WTIP: variants seen among roughly 807,000 people sequenced by gnomAD.
WTIP encodes the protein WT1 interacting protein.
In WTIP, 23 loss-of-function variants were observed where a neutral mutation model predicts 41.7. That is an observed-to-expected ratio of 0.55 (90% CI 0.40 to 0.78). The LOEUF (loss-of-function observed/expected upper bound fraction) is 0.78, where lower values mean the gene tolerates loss of function less well. Among genes scored for constraint, WTIP ranks in the 30% least tolerant of loss-of-function variants. WTIP has a pLI of 0.00. For synonymous variants in WTIP, 314 were observed against 269.9 expected (o/e 1.16, Z -1.60); for missense variants, 619 against 610.5 (o/e 1.01, Z -0.15).
In WTIP at chr19:34,490,453, G is replaced by T; in HGVS notation, c.745G>T (p.Asp249Tyr). ...GGCAATGGGGAGTCTTTATCACACT[G>T]ACTGCTTCACCTGCGACTCGTGTGG... is the stretch of plus-strand genomic sequence containing the variant. Reference protein sequence around the residue: ...CQAMGSLYHTDCFTCDSCGRR... With the variant: ...CQAMGSLYHTYCFTCDSCGRR... Residue 249 changes from aspartate (D) to tyrosine (Y), a missense_variant, in exon 2 of 8, where the codon GAC becomes TAC. Transcript: ENST00000590071. 1.2e-6 allele frequency: 2 copies of T among 1,614,000 alleles called. No homozygotes were observed. The highest frequency in any genetic ancestry group is 2.2e-5 in the South Asian group (2 of 91,078).
In WTIP at chr19:34,493,802, G is replaced by A. The variant is rs918718718; in HGVS notation, c.1031+180G>A. ...TCTGCCTGCATCCCCTCTCCTGGTG[G>A]TCCGGCCACCAGCTGTCTTTTGCCT... On this transcript the variant is annotated intron_variant, in intron 5 of 7. Transcript: ENST00000590071. This position sits in a 1 kb window ranked among gnomAD's most constrained non-coding sequence, Gnocchi z 4.1. 6.6e-6 allele frequency among the ~76,000 whole-genome samples: 1 copy of A among 152,132 alleles called. No individual in the cohort carries two copies. The highest frequency in any genetic ancestry group is 3.4e-3 in the Middle Eastern group (1 of 294).
chr19:34,484,011 C>T (rs1298550664), intron 1 of WTIP, among the ~76,000 whole-genome samples: 1 of 150,006 alleles, frequency 6.7e-6, no homozygotes, highest in South Asian at 2.1e-4. Flanking sequence ...ACTGCAACCT[C>T]CGACTCCCTG....
At position 34,505,099 on chromosome 19, in the gene WTIP, A is replaced by T. The variant is rs2075905745; in HGVS notation, c.*4830A>T. ...CTAGAGGCTGGTGGGGACCTGGGAG[A>T]GGGGCATGTGCACACATTTCATGGG... is the stretch of plus-strand genomic sequence containing the variant. On this transcript the variant is annotated 3_prime_UTR_variant, in exon 8 of 8. Transcript: ENST00000590071. 6.6e-6 allele frequency: 1 copy of T among 152,116 alleles called. No homozygotes were observed. Among genetic ancestry groups the T allele is most frequent in the African/African-American group, 2.4e-5 (1 of 41,266 alleles). 9.4% of individuals were successfully genotyped at this position (152,116 alleles called of 1,614,324 possible). A position where few individuals can be genotyped will look rare whatever the true frequency, so the allele number is the denominator to read the frequency against.
At chr19:34,489,981 G>A (rs1568398558) in intron 1 of WTIP, among the ~76,000 whole-genome samples, 2 of 152,188 alleles carry the variant, frequency 1.3e-5, no homozygotes, top group Non-Finnish European at 2.9e-5. Context: ...GCTCATGCCT[G>A]TAATGCCAGC....
rs1342957811 is a variant in WTIP, at chr19:34,500,217, G to A, written c.1241G>A (p.Arg414His). 1.9e-6 allele frequency: 3 copies of A among 1,606,980 alleles called. No individual in the cohort carries two copies. Among genetic ancestry groups the A allele is most frequent in the South Asian group, 2.2e-5 (2 of 90,818 alleles). ...HLLCRRCHLR[R>H]LQPGPLPSPT... ...CTGTGTCGTCGTTGCCACCTGCGGC[G>A]CCTCCAACCTGGGCCTCTTCCCTCA... is the stretch of plus-strand genomic sequence containing the variant. The change falls in exon 8 of 8, where the codon CGC becomes CAC. Residue 414 changes from arginine to histidine, a missense_variant. By Grantham distance (29) the Arg-to-His change is conservative. Coordinates refer to ENST00000590071, the MANE Select transcript of WTIP (RefSeq NM_001080436.2).
Position 34,482,213 on chromosome 19 carries a change from A to G in WTIP, c.239A>G (p.Glu80Gly), listed in dbSNP as rs1203931888. ...GGTCCCCGGCGCGCGGCGGTTCCGG[A>G]GCTCAGCGCGCAGCCTGCGGGCAGC... ...ERGPRRAAVPELSAQPAGSPR... is the reference protein window; with the variant it reads ...ERGPRRAAVPGLSAQPAGSPR... Residue 80 changes from glutamate (E) to glycine (G), a missense_variant, in exon 1 of 8, where the codon GAG (glutamate) becomes GGG (glycine). Transcript: ENST00000590071. 1 of 1,139,928 alleles carries G rather than the reference A, an allele frequency of 8.8e-7. No individual in the cohort carries two copies. The highest frequency in any genetic ancestry group is 1.1e-6 in the Non-Finnish European group (1 of 932,642). The allele number at this position is 1,139,928 out of a possible 1,614,324, so 70.6% of individuals were successfully genotyped here. A position where few individuals can be genotyped will look rare whatever the true frequency, so the allele number is the denominator to read the frequency against.
Position 34,510,556 on chromosome 19 carries a change from G to C in WTIP, c.*10287G>C, listed in dbSNP as rs2075929330. On this transcript the variant is annotated 3_prime_UTR_variant, in exon 8 of 8. Coordinates refer to ENST00000590071, the MANE Select transcript of WTIP (RefSeq NM_001080436.2). ...GGAGACATTTTCCCCATTGTCTTGG[G>C]GTTAAACATTCCCCTCCTTGTTACT... 1 of 152,148 alleles carries C rather than the reference G, an allele frequency of 6.6e-6. No individual in the cohort carries two copies. The highest frequency in any genetic ancestry group is 2.1e-4 in the South Asian group (1 of 4,830). The allele number at this position is 152,148 out of a possible 1,614,324, so 9.4% of individuals were successfully genotyped here.
At position 34,507,425 on chromosome 19, in the gene WTIP, AC is replaced by A. The variant is rs1187598053; in HGVS notation, c.*7158del. On this transcript the variant is annotated 3_prime_UTR_variant, in exon 8 of 8. Coordinates refer to ENST00000590071, the MANE Select transcript of WTIP (RefSeq NM_001080436.2). ...TTGATGCCCAAAAGAACAAACATAA[AC>A]CAAAAAAAAAAAAAAAAAAATTCCA... The A allele has an allele frequency of 2.6e-5, 3 of 117,238 alleles. No homozygotes were observed. Among genetic ancestry groups the A allele is most frequent in the African/African-American group, 8.8e-5 (2 of 22,796 alleles). 7.3% of individuals were successfully genotyped at this position (117,238 alleles called of 1,614,324 possible).
intron 7 of WTIP, among the ~76,000 whole-genome samples, chr19:34,497,943 G>A (rs538140427): frequency 1.6e-4 from 25 of 152,312 alleles, no homozygotes; most frequent in South Asian, 1.2e-3. Context: ...GAGTGAGAGC[G>A]GGGCAGGCGG....
chr19:34,500,541 G>T lies in WTIP; in HGVS notation c.*272G>T. 1 of 411,476 alleles carries T rather than the reference G, an allele frequency of 2.4e-6. No homozygotes were observed. The highest frequency in any genetic ancestry group is 4.3e-6 in the Non-Finnish European group (1 of 234,168). The allele number at this position is 411,476 out of a possible 1,614,324, so 25.5% of individuals were successfully genotyped here. A position where few individuals can be genotyped will look rare whatever the true frequency, so the allele number is the denominator to read the frequency against. On this transcript the variant is annotated 3_prime_UTR_variant, in exon 8 of 8. Transcript: ENST00000590071. Reference sequence around the variant, plus strand: ...GCCCTGCAGCCTCAGGGTAGGCCGTGGGTCACCAGGCTGGAGAGGGCCCCT... The same window carrying T: ...GCCCTGCAGCCTCAGGGTAGGCCGTTGGTCACCAGGCTGGAGAGGGCCCCT...
intron 1 of WTIP, among the ~76,000 whole-genome samples, chr19:34,487,870 T>C (rs535511518): frequency 1.9e-4 from 29 of 152,316 alleles, no homozygotes; most frequent in Admixed American, 2.6e-4. Flanking sequence ...ACGAGATGTA[T>C]GGGCTACTTG....
At chr19:34,496,538 A>G (rs923999165) in intron 7 of WTIP, among the ~76,000 whole-genome samples, 1 of 151,834 alleles carries the variant, frequency 6.6e-6, no homozygotes, top group Non-Finnish European at 1.5e-5. Context: ...GCACTGGGGG[A>G]GGGAGTGAAG....
chr19:34,497,023 C>T (rs1034389144), intron 7 of WTIP, among the ~76,000 whole-genome samples: 7 of 152,124 alleles, frequency 4.6e-5, no homozygotes, highest in African/African-American at 7.2e-5. Context: ...CCACCACACC[C>T]GGCTAGTTTT....
In WTIP at chr19:34,504,170, T is replaced by C. The variant is rs1417010009; in HGVS notation, c.*3901T>C. On this transcript the variant is annotated 3_prime_UTR_variant, in exon 8 of 8. Coordinates refer to ENST00000590071, the MANE Select transcript of WTIP (RefSeq NM_001080436.2). ...GTGGAGTGGGAGAGAGACCTGTTGT[T>C]TAAGAGGGAGACTGAGTGACTCCGA... 6.6e-6 allele frequency: 1 copy of C among 150,984 alleles called. No homozygotes were observed. Among genetic ancestry groups the C allele is most frequent in the African/African-American group, 2.4e-5 (1 of 40,976 alleles). 9.4% of individuals were successfully genotyped at this position (150,984 alleles called of 1,614,324 possible).
chr19:34,498,835 G>C (rs2075869455), intron 7 of WTIP, among the ~76,000 whole-genome samples: 1 of 152,036 alleles, frequency 6.6e-6, no homozygotes, highest in African/African-American at 2.4e-5. Flanking sequence ...GGGAGGCGGA[G>C]CTTGCAGTGA....
chr19:34,495,377 A>T (rs1214005837), intron 6 of WTIP, among the ~76,000 whole-genome samples: 1 of 152,164 alleles, frequency 6.6e-6, no homozygotes, highest in Non-Finnish European at 1.5e-5. Context: ...AGCATGGGCA[A>T]CAGAGAGAGA....
chr19:34,493,454 C>T lies in WTIP; in HGVS notation c.901-38C>T, dbSNP rs368463636. ...CCTCTCCCAGGGCGGTGCTGAGCCT[C>T]CTGCCCGCGCTGACCCCTCAGTGTG... is the stretch of plus-strand genomic sequence containing the variant. On this transcript the variant is annotated intron_variant, in intron 4 of 7. Transcript: ENST00000590071. This position sits in a 1 kb window ranked among gnomAD's most constrained non-coding sequence, Gnocchi z 4.1. 298 of 1,610,292 alleles carry T rather than the reference C, an allele frequency of 1.9e-4. 2 individuals are homozygous for T. The highest frequency in any genetic ancestry group is 1.3e-3 in the Admixed American group (76 of 59,342).
rs746881808 is a variant in WTIP, at chr19:34,493,642, G to C, written c.1031+20G>C. The C allele has an allele frequency of 2.1e-5, 34 of 1,612,606 alleles. No homozygotes were observed. In the African/African-American group the frequency reaches 4.0e-4, roughly 19 times the overall value. ...TCACACGTGAGTTGCTGGTGCTGTGGAGCAGGCGGGACTCGGGCCGTCCTC... is the reference window on the plus strand; with the variant it reads ...TCACACGTGAGTTGCTGGTGCTGTGCAGCAGGCGGGACTCGGGCCGTCCTC... On this transcript the variant is annotated intron_variant, in intron 5 of 7. Transcript: ENST00000590071. This position sits in a 1 kb window ranked among gnomAD's most constrained non-coding sequence, Gnocchi z 4.1.
rs1182786477 is a variant in WTIP, at chr19:34,503,280, T to C, written c.*3011T>C. 2.6e-5 allele frequency: 4 copies of C among 152,342 alleles called. No individual in the cohort carries two copies. In the East Asian group the frequency reaches 7.7e-4, roughly 29 times the overall value. 9.4% of individuals were successfully genotyped at this position (152,342 alleles called of 1,614,324 possible). ...ACTGCTCCACCTCCTCCCCCGGAGC[T>C]GTGCATGGCAGTTCCCTCCGTGGGA... On this transcript the variant is annotated 3_prime_UTR_variant, in exon 8 of 8. Transcript: ENST00000590071.
Sources: allele counts gnomAD v4.1 joint callset (sites outside exome capture counted in the v4.1 genomes callset), GRCh38; gene constraint gnomAD v4.1.1; non-coding constraint Gnocchi (gnomAD v3.1); transcripts MANE v1.5; gene names NCBI Gene and HGNC (gene_info 2026-07-23, HGNC 2026-07-21).